The following TEC variants were observed in gnomAD, a reference collection of about 807,000 sequenced individuals.
TEC encodes the protein tec protein tyrosine kinase.
A neutral mutation model predicts 93.0 loss-of-function variants in TEC; 72 were observed. That is an observed-to-expected ratio of 0.77 (90% CI 0.64 to 0.94). The LOEUF (loss-of-function observed/expected upper bound fraction) is 0.94, where lower values mean the gene tolerates loss of function less well. Among genes scored for constraint, TEC ranks in the 40% least tolerant of loss-of-function variants. The pLI is 0.00. For missense variants in TEC, 630 were observed against 757.9 expected (o/e 0.83, Z 1.98); for synonymous variants, 249 against 247.7 (o/e 1.01, Z -0.05).
chr4:48,187,999 G>A (rs890730878), intron 2 of TEC, among the ~76,000 whole-genome samples: 2 of 152,234 alleles, frequency 1.3e-5, no homozygotes, highest in South Asian at 2.1e-4. Context: ...TATCTGCCAT[G>A]CACTTAAGTG....
At chr4:48,150,240 T>A (rs1216437708) in intron 10 of TEC, among the ~76,000 whole-genome samples, 3 of 152,102 alleles carry the variant, frequency 2.0e-5, no homozygotes, top group African/African-American at 7.2e-5. Flanking sequence ...CACTCTGTGC[T>A]CCCATTCTAC....
intron 1 of TEC, among the ~76,000 whole-genome samples, chr4:48,267,416 T>C (rs890740833): frequency 1.3e-5 from 2 of 152,224 alleles, no homozygotes; most frequent in African/African-American, 2.4e-5. Context: ...ACAGGCGTGT[T>C]TGGAGGTGGA....
chr4:48,179,377 T>TA (rs1491160142), intron 2 of TEC, among the ~76,000 whole-genome samples: 239 of 17,908 alleles, frequency 0.013, 3 homozygotes, highest in African/African-American at 0.038. Flanking sequence ...TATATATATA[T>TA]TTTTTTTTTT....
intron 7 of TEC, among the ~76,000 whole-genome samples, chr4:48,166,946 G>A (rs1192857065): frequency 6.6e-6 from 1 of 151,750 alleles, no homozygotes; most frequent in Non-Finnish European, 1.5e-5. Context: ...TTGGGGCTGG[G>A]GCTGGGAGGT....
rs747232052 is a variant in TEC at position 48,136,828 on chromosome 4, A to G, written c.*588T>C. 6.6e-6 allele frequency: 1 copy of G among 151,802 alleles called. No homozygotes were observed. The highest frequency in any genetic ancestry group is 1.5e-5 in the Non-Finnish European group (1 of 67,968). 9.4% of individuals were successfully genotyped at this position (151,802 alleles called of 1,614,324 possible). A position where few individuals can be genotyped will look rare whatever the true frequency, so the allele number is the denominator to read the frequency against. On this transcript the variant is annotated 3_prime_UTR_variant, in exon 18 of 18. Coordinates refer to ENST00000381501, the MANE Select transcript of TEC (RefSeq NM_003215.3). ...GTTTCTCATAAATATATAACTTTAT[A>G]TATTATATATATTTACAATATATAC...
intron 9 of TEC, among the ~76,000 whole-genome samples, chr4:48,154,080 G>A (rs1290778977): frequency 6.6e-6 from 1 of 152,184 alleles, no homozygotes; most frequent in African/African-American, 2.4e-5. Context: ...TAACAAAAGG[G>A]AAAATGAAAA....
At chr4:48,211,513 C>A (rs1722897071) in intron 2 of TEC, among the ~76,000 whole-genome samples, 2 of 152,288 alleles carry the variant, frequency 1.3e-5, no homozygotes, top group East Asian at 1.9e-4. Flanking sequence ...GTACTACAAT[C>A]AGTCCTAGTC....
At chr4:48,206,473 G>A (rs1277462239) in intron 2 of TEC, among the ~76,000 whole-genome samples, 1 of 151,998 alleles carries the variant, frequency 6.6e-6, no homozygotes, top group Non-Finnish European at 1.5e-5. Flanking sequence ...GAAAAGAACA[G>A]AAAACCTAAG....
At chr4:48,161,158 G>T (rs777563290) in intron 8 of TEC, among the ~76,000 whole-genome samples, 1 of 152,056 alleles carries the variant, frequency 6.6e-6, no homozygotes, top group Non-Finnish European at 1.5e-5. Context: ...CAAGCTTCTT[G>T]GTGAGAATGG....
In TEC at chr4:48,227,641, CA is replaced by C. The variant is rs34047322; in HGVS notation, c.138+835del. On this transcript the variant is annotated intron_variant, in intron 2 of 17. Transcript: ENST00000381501. ...CTGGCAACAGAGCAAGACACTGTCT[CA>C]AAAAAAAAAAAAAAAAAAACTAAAC... is the stretch of plus-strand genomic sequence containing the variant. Among the ~76,000 whole-genome samples the C allele has an allele frequency of 2.3e-3, 196 of 84,298 alleles. 1 individual carries two copies. Among genetic ancestry groups the C allele is most frequent in the Middle Eastern group, 8.6e-3 (1 of 116 alleles). The allele number at this position is 84,298 out of a possible 152,430, so 55.3% of individuals were successfully genotyped here. A position where few individuals can be genotyped will look rare whatever the true frequency, so the allele number is the denominator to read the frequency against.
intron 2 of TEC, among the ~76,000 whole-genome samples, chr4:48,224,454 C>T (rs1723374608): frequency 6.6e-6 from 1 of 152,186 alleles, no homozygotes; most frequent in Non-Finnish European, 1.5e-5. Context: ...CCCATGGAGC[C>T]TCCACTGAAA....
intron 2 of TEC, among the ~76,000 whole-genome samples, chr4:48,218,968 A>C (rs1723166868): frequency 6.6e-6 from 1 of 152,214 alleles, no homozygotes; most frequent in South Asian, 2.1e-4. Flanking sequence ...AGGATTACCT[A>C]GGTGCCAAGG....
At chr4:48,146,215 CT>C in intron 12 of TEC, 109 bp downstream of exon 12, 1 of 982,432 alleles carries the variant, frequency 1.0e-6, no homozygotes, top group Non-Finnish European at 1.5e-6. Flanking sequence ...ATACTATAAA[CT>C]TATAAAAAAC....
At chr4:48,197,220 C>T (rs1288604398) in intron 2 of TEC, among the ~76,000 whole-genome samples, 1 of 152,298 alleles carries the variant, frequency 6.6e-6, no homozygotes, top group East Asian at 1.9e-4. Context: ...CAGTGCAGTA[C>T]AATGGTTCAG....
chr4:48,214,164 A>G (rs928955733), intron 2 of TEC, among the ~76,000 whole-genome samples: 1 of 152,230 alleles, frequency 6.6e-6, no homozygotes, highest in Non-Finnish European at 1.5e-5. Flanking sequence ...TGTTTAAATT[A>G]CAAAACAACT....
intron 2 of TEC, among the ~76,000 whole-genome samples, chr4:48,215,909 A>G (rs1332380431): frequency 6.6e-6 from 1 of 152,208 alleles, no homozygotes; most frequent in African/African-American, 2.4e-5. Flanking sequence ...CCAGCTCACT[A>G]GGTGACCTGG....
rs1282679965 is a variant in TEC, at chr4:48,150,957, C to G, written c.793-15G>C. 1 of 1,561,112 alleles carries G rather than the reference C, an allele frequency of 6.4e-7. No individual in the cohort carries two copies. The highest frequency in any genetic ancestry group is 1.2e-5 in the South Asian group (1 of 80,116). ...CCTTCTTTATCCTAAAATCCAAGTT[C>G]AGAAAAAATTTTTTTTACTCTAATT... On this transcript the variant is annotated splice_polypyrimidine_tract_variant and intron_variant, in intron 9 of 17. Coordinates refer to ENST00000381501, the MANE Select transcript of TEC (RefSeq NM_003215.3).
Position 48,162,848 on chromosome 4 carries a change from C to T in TEC, c.737+854G>A, listed in dbSNP as rs138035595. Among the ~76,000 whole-genome samples the T allele has an allele frequency of 5.3e-5, 8 of 152,212 alleles. No homozygotes were observed. In the South Asian group the frequency reaches 1.7e-3, roughly 32 times the overall value. On this transcript the variant is annotated intron_variant, in intron 8 of 17. Transcript: ENST00000381501. Reference sequence around the variant, plus strand: ...AAAAGAGCGTTCAATGTATATGAGCCTCACGTTACAACTTGGCCACACACT... The same window carrying T: ...AAAAGAGCGTTCAATGTATATGAGCTTCACGTTACAACTTGGCCACACACT...
chr4:48,254,981 T>A (rs1313300246), intron 1 of TEC, among the ~76,000 whole-genome samples: 3 of 152,110 alleles, frequency 2.0e-5, no homozygotes, highest in Non-Finnish European at 4.4e-5. Flanking sequence ...AAGTAGTGGA[T>A]GACCAAGGGC....
Sources: gnomAD v4.1 joint callset for allele counts (sites outside exome capture counted in the v4.1 genomes callset) on GRCh38, gnomAD v4.1.1 for gene constraint, MANE v1.5 for transcripts, NCBI Gene and HGNC (gene_info 2026-07-23, HGNC 2026-07-21) for gene names.